The following ME3 variants were observed in gnomAD, a reference collection of about 807,000 sequenced individuals.
The protein encoded by ME3 is NADP-dependent malic enzyme, mitochondrial.
In ME3, 48 loss-of-function variants were observed where a neutral mutation model predicts 68.9. That is an observed-to-expected ratio of 0.70 (90% CI 0.55 to 0.89). ME3 has a LOEUF of 0.89. Among genes scored for constraint, ME3 ranks in the 40% least tolerant of loss-of-function variants. The pLI is 0.00. For synonymous variants in ME3, 320 were observed against 318.8 expected, an observed-to-expected ratio of 1.00 and a Z score of -0.04; for missense variants, 675 against 797.4, an observed-to-expected ratio of 0.85 and a Z score of 1.85.
chr11:86,442,724 T>A (rs1238352766), intron 14 of ME3, 97 bp downstream of exon 14: 1 of 993,864 alleles, frequency 1.0e-6, no homozygotes, highest in Non-Finnish European at 1.5e-6. Flanking sequence ...AGATCCAGTG[T>A]CTCCACAGTT....
intron 2 of ME3, among the ~76,000 whole-genome samples, chr11:86,654,663 A>T (rs947320590): frequency 6.6e-6 from 1 of 152,234 alleles, no homozygotes; most frequent in Non-Finnish European, 1.5e-5. Context: ...AAAAACTGGA[A>T]GCATCCCCTT....
At chr11:86,611,994 GT>G (rs1334161885) in intron 2 of ME3, among the ~76,000 whole-genome samples, 2 of 152,118 alleles carry the variant, frequency 1.3e-5, no homozygotes, top group Non-Finnish European at 2.9e-5. Context: ...ATGCAGGTTT[GT>G]TACATAGGTA....
chr11:86,509,891 C>T (rs989960624), intron 4 of ME3, among the ~76,000 whole-genome samples: 19 of 152,010 alleles, frequency 1.2e-4, no homozygotes, highest in African/African-American at 4.1e-4. Context: ...AAACATTACT[C>T]ATCTGAGAAA....
chr11:86,438,625 A>G (rs112510710), downstream of ME3, among the ~76,000 whole-genome samples: 6 of 152,184 alleles, frequency 3.9e-5, no homozygotes, highest in East Asian at 3.9e-4. Context: ...AAGATTTTTT[A>G]ATTACTAATT....
At chr11:86,516,642 C>T (rs1011368212) in intron 4 of ME3, among the ~76,000 whole-genome samples, 5 of 152,192 alleles carry the variant, frequency 3.3e-5, no homozygotes, top group Admixed American at 3.3e-4. Context: ...CCACCCACCT[C>T]AGCCTCCCAA....
chr11:86,657,040 C>T (rs1400214350), intron 2 of ME3, among the ~76,000 whole-genome samples: 1 of 152,156 alleles, frequency 6.6e-6, no homozygotes, highest in Non-Finnish European at 1.5e-5. Flanking sequence ...TTAATTTAAC[C>T]ATTGTGGAAG....
chr11:86,621,847 A>C (rs1203319056), intron 2 of ME3, among the ~76,000 whole-genome samples: 1 of 152,022 alleles, frequency 6.6e-6, no homozygotes, highest in Admixed American at 6.6e-5. Context: ...TGTTAAATGC[A>C]CTTTTATATA....
At chr11:86,522,205 G>A (rs972215581) in intron 4 of ME3, among the ~76,000 whole-genome samples, 1 of 151,992 alleles carries the variant, frequency 6.6e-6, no homozygotes, top group Non-Finnish European at 1.5e-5. Flanking sequence ...AGCCAAGACT[G>A]CGTCATTGCA....
chr11:86,449,375 G>A (rs997461762), intron 10 of ME3, among the ~76,000 whole-genome samples: 14 of 152,340 alleles, frequency 9.2e-5, no homozygotes, highest in Admixed American at 4.6e-4. Context: ...ATCAAGACTA[G>A]TCTAGTGGGG....
At position 86,465,249 on chromosome 11, in the gene ME3, T is replaced by A. The variant is rs199640436; in HGVS notation, c.810-49A>T. On this transcript the variant is annotated intron_variant, in intron 7 of 14. Coordinates refer to ENST00000543262, the Ensembl canonical transcript of ME3. Reference sequence around the variant, plus strand: ...CCCATGATTGCCTCTCTGAGGCAGATCCCTGACAGATCCCAGCTTGCACAG... The same window carrying A: ...CCCATGATTGCCTCTCTGAGGCAGAACCCTGACAGATCCCAGCTTGCACAG... 4.0e-5 allele frequency: 53 copies of A among 1,325,888 alleles called. 1 individual carries two copies. The Admixed American group carries it at 8.8e-4, about 22-fold the overall frequency. 82.1% of individuals were successfully genotyped at this position (1,325,888 alleles called of 1,614,324 possible).
At chr11:86,600,750 G>A (rs11559614) in intron 2 of ME3, among the ~76,000 whole-genome samples, 19,567 of 149,794 alleles carry the variant, frequency 0.13, 1,695 homozygotes, top group East Asian at 0.38. Context: ...ATAACAAACT[G>A]TCTCTCAGAC....
chr11:86,515,157 G>A (rs755270469), intron 4 of ME3, among the ~76,000 whole-genome samples: 3 of 152,124 alleles, frequency 2.0e-5, no homozygotes, highest in African/African-American at 7.2e-5. Flanking sequence ...ATGCACAATT[G>A]GGACTAATTT....
At chr11:86,478,068 C>G (rs1231364121) in intron 7 of ME3, among the ~76,000 whole-genome samples, 1 of 152,084 alleles carries the variant, frequency 6.6e-6, no homozygotes, top group Admixed American at 6.6e-5. Context: ...TCATAGCCTT[C>G]AGTCTATTCT....
chr11:86,529,712 T>C (rs976188555), intron 4 of ME3, among the ~76,000 whole-genome samples: 5 of 152,140 alleles, frequency 3.3e-5, no homozygotes, highest in African/African-American at 1.2e-4. Flanking sequence ...CATATGCAAA[T>C]CAATAACTGT....
chr11:86,501,175 T>TATAATAATAATA (rs5793199), intron 5 of ME3, among the ~76,000 whole-genome samples: 1,864 of 147,168 alleles, frequency 0.013, 20 homozygotes, highest in Non-Finnish European at 0.019. Flanking sequence ...ATAAAATGCA[T>TATAATAATAATA]ATAATAATAA....
intron 2 of ME3, among the ~76,000 whole-genome samples, chr11:86,669,889 C>A (rs751608162): frequency 6.6e-6 from 1 of 152,194 alleles, no homozygotes; most frequent in Non-Finnish European, 1.5e-5. Flanking sequence ...TGGTAACATG[C>A]CAGTAATTCT....
At chr11:86,582,920 AAAG>A (rs1375078573) in intron 2 of ME3, among the ~76,000 whole-genome samples, 3 of 152,216 alleles carry the variant, frequency 2.0e-5, no homozygotes, top group East Asian at 1.9e-4. Context: ...AAAAAAAAAA[AAAG>A]AAGACAGAAC....
chr11:86,466,413 G>C (rs889951552), intron 7 of ME3, among the ~76,000 whole-genome samples: 3 of 152,204 alleles, frequency 2.0e-5, no homozygotes, highest in African/African-American at 7.2e-5. Context: ...TCCATAAGAG[G>C]TGTCAGGGCA....
intron 2 of ME3, among the ~76,000 whole-genome samples, chr11:86,624,031 T>G (rs1798965177): frequency 6.6e-6 from 1 of 152,172 alleles, no homozygotes; most frequent in Admixed American, 6.5e-5. Context: ...GCTGGACCAA[T>G]CCATTCTTTC....
Sources: gnomAD v4.1 joint callset for allele counts (sites outside exome capture counted in the v4.1 genomes callset) on GRCh38, gnomAD v4.1.1 for gene constraint, MANE v1.5 for transcripts, NCBI Gene and HGNC (gene_info 2026-07-23, HGNC 2026-07-21) for gene names.